MICOS10: variants seen among roughly 807,000 people sequenced by gnomAD.
The protein encoded by MICOS10 is MICOS complex subunit MIC10.
In MICOS10, 5 loss-of-function variants were observed where a neutral mutation model predicts 13.4. The observed-to-expected ratio is 0.37, with a 90% CI of 0.20 to 0.78. The LOEUF (loss-of-function observed/expected upper bound fraction) is 0.78, where lower values mean the gene tolerates loss of function less well. Ranked by LOEUF, MICOS10 falls within the 30% of genes least tolerant of loss-of-function variation. MICOS10 has a pLI of 0.47. For missense variants in MICOS10, 101 were observed against 94.6 expected (o/e 1.07, Z -0.28); for synonymous variants, 35 against 33.6 (o/e 1.04, Z -0.15).
intron 1 of MICOS10, among the ~76,000 whole-genome samples, chr1:19,598,351 A>G (rs569603146): frequency 2.0e-5 from 3 of 152,164 alleles, no homozygotes; most frequent in Non-Finnish European, 4.4e-5. Context: ...TCACTTAGGA[A>G]TGGGTTATTT....
intron 1 of MICOS10, among the ~76,000 whole-genome samples, chr1:19,618,694 A>G (rs888388121): frequency 7.2e-5 from 11 of 152,208 alleles, no homozygotes; most frequent in African/African-American, 2.7e-4. Flanking sequence ...TCAGTGCTCT[A>G]ACCACTCACT....
rs746312596 is a variant in MICOS10 at position 19,622,086 on chromosome 1, C to G, written c.65-14C>G. 6.2e-7 allele frequency: 1 copy of G among 1,602,036 alleles called. No individual in the cohort carries two copies. The highest frequency in any genetic ancestry group is 1.7e-5 in the Admixed American group (1 of 59,168). On this transcript the variant is annotated splice_polypyrimidine_tract_variant and intron_variant, in intron 1 of 3. Transcript: ENST00000322753. ...TGCTATGAGATTTAGCATGTTTTTTCTCCCTCTTTGTAGGTACTGGTTTTG... is the reference window on the plus strand; with the variant it reads ...TGCTATGAGATTTAGCATGTTTTTTGTCCCTCTTTGTAGGTACTGGTTTTG...
intron 1 of MICOS10, among the ~76,000 whole-genome samples, chr1:19,611,468 G>GGTT (rs765477232): frequency 1.2e-5 from 1 of 84,056 alleles, no homozygotes; most frequent in Non-Finnish European, 2.0e-5. Flanking sequence ...GTTGCAACTT[G>GGTT]ATTTTTTTTT....
intron 1 of MICOS10, among the ~76,000 whole-genome samples, chr1:19,613,413 T>A (rs1453882720): frequency 6.6e-6 from 1 of 152,228 alleles, no homozygotes; most frequent in African/African-American, 2.4e-5. Flanking sequence ...TGTCGTTCTT[T>A]ATCTCCTACC....
intron 3 of MICOS10, chr1:19,625,688 T>C: frequency 1.6e-6 from 2 of 1,240,986 alleles, no homozygotes; most frequent in Non-Finnish European, 2.1e-6. Context: ...GGATAATGGC[T>C]CAGGGGTGAT....
chr1:19,604,102 C>T (rs368050341), intron 1 of MICOS10, among the ~76,000 whole-genome samples: 1 of 152,186 alleles, frequency 6.6e-6, no homozygotes, highest in South Asian at 2.1e-4. Context: ...CTCCCAGCCT[C>T]AGTTTTCTTA....
chr1:19,604,757 G>A (rs1200077661), intron 1 of MICOS10, among the ~76,000 whole-genome samples: 1 of 152,178 alleles, frequency 6.6e-6, no homozygotes, highest in Non-Finnish European at 1.5e-5. Flanking sequence ...GCACACAGGT[G>A]AATAGGCACT....
At chr1:19,605,488 T>G (rs1298069443) in intron 1 of MICOS10, among the ~76,000 whole-genome samples, 1 of 152,210 alleles carries the variant, frequency 6.6e-6, no homozygotes, top group Admixed American at 6.5e-5. Context: ...TGCTGGACAT[T>G]TTACATAAAG....
At chr1:19,619,845 T>A (rs1197931155) in intron 1 of MICOS10, among the ~76,000 whole-genome samples, 1 of 152,262 alleles carries the variant, frequency 6.6e-6, no homozygotes, top group African/African-American at 2.4e-5. Flanking sequence ...CATGGCCCTG[T>A]GCCTAATGTT....
At position 19,627,485 on chromosome 1, in the gene MICOS10, A is replaced by G. The variant is rs1488916981; in HGVS notation, c.*1084A>G. On this transcript the variant is annotated 3_prime_UTR_variant, in exon 4 of 4. Coordinates refer to ENST00000322753, the MANE Select transcript of MICOS10 (RefSeq NM_001032363.4). ...CTGATGGAAAGACAGACGTGCAAACACAACTCTGAAAGAAGTGTTTTAATG... is the reference window on the plus strand; with the variant it reads ...CTGATGGAAAGACAGACGTGCAAACGCAACTCTGAAAGAAGTGTTTTAATG... The G allele has an allele frequency of 6.6e-6, 1 of 152,238 alleles. No homozygotes were observed. The highest frequency in any genetic ancestry group is 1.5e-5 in the Non-Finnish European group (1 of 68,052). The allele number at this position is 152,238 out of a possible 1,614,324, so 9.4% of individuals were successfully genotyped here.
rs1553310371 is a variant in MICOS10 at position 19,622,920 on chromosome 1, C to CCTTT, written c.113-554_113-553insCTTT. On this transcript the variant is annotated intron_variant, in intron 2 of 3. Coordinates refer to ENST00000322753, the MANE Select transcript of MICOS10 (RefSeq NM_001032363.4). Reference sequence around the variant, plus strand: ...TATCTAGTGTTTTCATATTTTACTACTTTTTTTTTTTTTTTTTTTTGAAAC... The same window carrying CCTTT: ...TATCTAGTGTTTTCATATTTTACTACCTTTTTTTTTTTTTTTTTTTTTTTGAAAC... Among the ~76,000 whole-genome samples, 242 of 131,886 alleles carry CCTTT rather than the reference C, an allele frequency of 1.8e-3. 5 individuals are homozygous for CCTTT. Among genetic ancestry groups the CCTTT allele is most frequent in the African/African-American group, 6.6e-3 (230 of 34,952 alleles). The allele number at this position is 131,886 out of a possible 152,430, so 86.5% of individuals were successfully genotyped here.
At chr1:19,606,139 G>T (rs2745222) in intron 1 of MICOS10, among the ~76,000 whole-genome samples, 135,818 of 152,080 alleles carry the variant, frequency 0.89, 60,905 homozygotes, top group African/African-American at 0.97. Flanking sequence ...TGAACTAAGA[G>T]GGGAGCAGCA....
chr1:19,613,987 G>A (rs2094873732), intron 1 of MICOS10, among the ~76,000 whole-genome samples: 1 of 152,076 alleles, frequency 6.6e-6, no homozygotes, highest in African/African-American at 2.4e-5. Flanking sequence ...TAATCCTTGA[G>A]CATAAGTGCT....
intron 1 of MICOS10, among the ~76,000 whole-genome samples, chr1:19,604,873 G>A (rs58683664): frequency 2.0e-5 from 3 of 151,954 alleles, no homozygotes; most frequent in Non-Finnish European, 4.4e-5. Flanking sequence ...TGGACCAGGT[G>A]GGGGAGTGTG....
At chr1:19,610,817 C>T (rs750309912) in intron 1 of MICOS10, among the ~76,000 whole-genome samples, 2 of 152,150 alleles carry the variant, frequency 1.3e-5, no homozygotes, top group African/African-American at 2.4e-5. Context: ...AAATGATTAA[C>T]TAAAGCAACT....
At chr1:19,599,781 A>AG (rs1171289877) in intron 1 of MICOS10, among the ~76,000 whole-genome samples, 3 of 152,216 alleles carry the variant, frequency 2.0e-5, no homozygotes, top group Non-Finnish European at 4.4e-5. Flanking sequence ...ATTTCAGTGC[A>AG]GAGAGGCTGG....
rs557423975 is a variant in MICOS10, at chr1:19,599,787, G to T, written c.64+2678G>T. Among the ~76,000 whole-genome samples the T allele has an allele frequency of 4.6e-5, 7 of 152,324 alleles. 1 individual carries two copies. The South Asian group carries it at 1.4e-3, about 32-fold the overall frequency. ...GGCATCCTAATTTCAGTGCAGAGAG[G>T]CTGGTTTAGGTGGAGTCAGAACTGT... On this transcript the variant is annotated intron_variant, in intron 1 of 3. Transcript: ENST00000322753.
chr1:19,604,287 G>T (rs762921807), intron 1 of MICOS10, among the ~76,000 whole-genome samples: 2 of 152,058 alleles, frequency 1.3e-5, no homozygotes, highest in Non-Finnish European at 2.9e-5. Context: ...TGGGTGGATC[G>T]CTTGAGGCCA....
chr1:19,603,971 A>G (rs2094825671), intron 1 of MICOS10, among the ~76,000 whole-genome samples: 1 of 152,238 alleles, frequency 6.6e-6, no homozygotes, highest in Non-Finnish European at 1.5e-5. Context: ...AAGGCAAGCC[A>G]TGGACATTTA....
Sources: gnomAD v4.1 joint callset for allele counts (sites outside exome capture counted in the v4.1 genomes callset) on GRCh38, gnomAD v4.1.1 for gene constraint, MANE v1.5 for transcripts, NCBI Gene and HGNC (gene_info 2026-07-23, HGNC 2026-07-21) for gene names.